The following CA5A variants were observed in gnomAD, a reference collection of about 807,000 sequenced individuals.
The protein encoded by CA5A is carbonic anhydrase 5A, mitochondrial.
CA5A carries 28 observed loss-of-function variants against 37.1 expected under a neutral mutation model. The observed-to-expected ratio is 0.75, with a 90% CI of 0.56 to 1.03. The LOEUF is 1.03. Among genes scored for constraint, CA5A ranks in the 50% least tolerant of loss-of-function variants. CA5A has a pLI of 0.00. For missense variants in CA5A, 444 were observed against 399.9 expected, an observed-to-expected ratio of 1.11 and a Z score of -0.94; for synonymous variants, 171 against 158.4, an observed-to-expected ratio of 1.08 and a Z score of -0.60.
rs1477263516 is a variant in CA5A, at chr16:87,936,406, C to T, written c.45G>A (p.Leu15=). The part of the protein sequence containing the change: ...NTWKTSAFSF[L]VEQMWAPLWS... ...AGAGAGGGGCCCACATCTGCTCAAC[C>T]AAGAAGGAGAAAGCTGAGGTCTTCC... The change falls in exon 1 of 7, where the codon TTG becomes TTA. Residue 15 remains leucine, a synonymous_variant. Transcript: ENST00000649794. The T allele has an allele frequency of 5.6e-6, 9 of 1,613,940 alleles. No homozygotes were observed. Among genetic ancestry groups the T allele is most frequent in the Non-Finnish European group, 7.6e-6 (9 of 1,179,954 alleles).
intron 5 of CA5A, among the ~76,000 whole-genome samples, chr16:87,901,563 A>G (rs1237615214): frequency 4.0e-5 from 6 of 151,592 alleles, no homozygotes; most frequent in African/African-American, 1.5e-4. Context: ...TTTGCTTGTC[A>G]GATTATACTG....
intron 6 of CA5A, among the ~76,000 whole-genome samples, chr16:87,890,586 G>GA (rs1320224396): frequency 5.3e-5 from 8 of 151,718 alleles, no homozygotes; most frequent in African/African-American, 1.5e-4. Flanking sequence ...AAGATTTCCA[G>GA]AAAAAAATGA....
At chr16:87,929,051 G>T (rs1436838100) in intron 1 of CA5A, among the ~76,000 whole-genome samples, 1 of 150,694 alleles carries the variant, frequency 6.6e-6, no homozygotes, top group Non-Finnish European at 1.5e-5. Context: ...TTACAGGCGT[G>T]AGCCACCGCG....
At chr16:87,888,622 C>G (rs954895204) in intron 6 of CA5A, among the ~76,000 whole-genome samples, 16 of 152,206 alleles carry the variant, frequency 1.1e-4, no homozygotes, top group African/African-American at 3.6e-4. Context: ...AATGAATCCT[C>G]TAGCCCTAGT....
At chr16:87,929,029 A>G (rs2056358710) in intron 1 of CA5A, among the ~76,000 whole-genome samples, 1 of 148,482 alleles carries the variant, frequency 6.7e-6, no homozygotes, top group African/African-American at 2.5e-5. Flanking sequence ...TCGGCCTCCC[A>G]AAGTGCTGGG....
At chr16:87,898,134 A>G (rs1315726082) in intron 5 of CA5A, among the ~76,000 whole-genome samples, 1 of 152,180 alleles carries the variant, frequency 6.6e-6, no homozygotes, top group Non-Finnish European at 1.5e-5. Flanking sequence ...GTCTCTGCCG[A>G]GTCAGTCCCA....
At chr16:87,893,129 TC>T in intron 5 of CA5A, 1 of 476,490 alleles carries the variant, frequency 2.1e-6, no homozygotes, top group South Asian at 3.5e-5. Context: ...TTTCTTCCTT[TC>T]TTTCTTTCTT....
intron 2 of CA5A, among the ~76,000 whole-genome samples, chr16:87,910,696 G>C (rs970228145): frequency 6.6e-6 from 1 of 152,052 alleles, no homozygotes; most frequent in African/African-American, 2.4e-5. Context: ...TCCTGCCTCA[G>C]CCTCCTGAGT....
chr16:87,906,242 C>CCGCCTTGCTCATG (rs1333038475), intron 2 of CA5A, among the ~76,000 whole-genome samples: 3 of 151,226 alleles, frequency 2.0e-5, no homozygotes, highest in African/African-American at 4.9e-5. Context: ...CTCATGTCAC[C>CCGCCTTGCTCATG]TCCCGCTGTG....
chr16:87,896,136 A>C (rs1448278237), intron 5 of CA5A, among the ~76,000 whole-genome samples: 2 of 152,342 alleles, frequency 1.3e-5, no homozygotes, highest in Admixed American at 1.3e-4. Context: ...TTTACTGATG[A>C]AGATAGACAG....
chr16:87,924,221 A>C (rs1464486985), intron 2 of CA5A: 27 of 985,296 alleles, frequency 2.7e-5, no homozygotes, highest in African/African-American at 5.2e-5. Flanking sequence ...AGTTGGGGTT[A>C]CTGCTGCTGG....
At chr16:87,920,279 C>T (rs927917503) in intron 2 of CA5A, among the ~76,000 whole-genome samples, 1 of 152,194 alleles carries the variant, frequency 6.6e-6, no homozygotes, top group Admixed American at 6.5e-5. Flanking sequence ...TTTCTTTGCT[C>T]TCAGTTTAGT....
intron 2 of CA5A, among the ~76,000 whole-genome samples, chr16:87,924,758 G>A (rs2056280551): frequency 6.6e-6 from 1 of 152,248 alleles, no homozygotes; most frequent in Admixed American, 6.5e-5. Flanking sequence ...ACAGCGAGAG[G>A]GCATGAAGGT....
At chr16:87,914,425 G>A (rs1047844971) in intron 2 of CA5A, among the ~76,000 whole-genome samples, 6 of 152,206 alleles carry the variant, frequency 3.9e-5, no homozygotes, top group Admixed American at 1.3e-4. Flanking sequence ...TGCTAGCCAC[G>A]CGGCGGGTGC....
chr16:87,888,878 G>A (rs142562700), intron 6 of CA5A, among the ~76,000 whole-genome samples: 3,474 of 151,628 alleles, frequency 0.023, 36 homozygotes, highest in African/African-American at 0.033. Flanking sequence ...TCGGCCTCCT[G>A]AGTAGTTGGA....
chr16:87,921,521 C>A (rs1428586366), intron 2 of CA5A, among the ~76,000 whole-genome samples: 1 of 152,220 alleles, frequency 6.6e-6, no homozygotes, highest in Non-Finnish European at 1.5e-5. Flanking sequence ...CTCTCATTGG[C>A]CGGTCTTGAG....
chr16:87,898,933 C>G (rs558668034), intron 5 of CA5A, among the ~76,000 whole-genome samples: 5 of 152,048 alleles, frequency 3.3e-5, no homozygotes, highest in African/African-American at 1.2e-4. Context: ...CGGGGTTTTG[C>G]CATGTTGGCC....
At chr16:87,919,236 G>A in intron 2 of CA5A, among the ~76,000 whole-genome samples, 1 of 152,216 alleles carries the variant, frequency 6.6e-6, no homozygotes, top group Non-Finnish European at 1.5e-5. Context: ...AGGTCAGCTC[G>A]GGGTCCATGG....
At chr16:87,934,532 G>A (rs2056446310) in intron 1 of CA5A, among the ~76,000 whole-genome samples, 2 of 152,130 alleles carry the variant, frequency 1.3e-5, no homozygotes, top group Non-Finnish European at 1.5e-5. Context: ...TCGCACCACT[G>A]CGCTCCAGCC....
Sources: gnomAD v4.1 joint callset for allele counts (sites outside exome capture counted in the v4.1 genomes callset) on GRCh38, gnomAD v4.1.1 for gene constraint, MANE v1.5 for transcripts, NCBI Gene and HGNC (gene_info 2026-07-23, HGNC 2026-07-21) for gene names.